VSIG1: variants seen among roughly 807,000 people sequenced by gnomAD.
The protein encoded by VSIG1 is V-set and immunoglobulin domain-containing protein 1.
VSIG1 carries 11 observed loss-of-function variants against 20.1 expected under a neutral mutation model. The ratio of observed to expected loss-of-function variants is 0.55; its 90% confidence interval spans 0.34 to 0.91. VSIG1 has a LOEUF of 0.91. Ranked by LOEUF, VSIG1 falls within the 40% of genes least tolerant of loss-of-function variation. The probability of loss-of-function intolerance (pLI) is 0.02; values close to 1 mark genes in which losing one functional copy is unlikely to be tolerated. For synonymous variants in VSIG1, 126 were observed against 116.7 expected (o/e 1.08, Z -0.52); for missense variants, 283 against 298.8 (o/e 0.95, Z 0.39).
chrX:108,052,442 TACACACAC>T (rs764453844), intron 1 of VSIG1, among the ~76,000 whole-genome samples: 2 of 107,004 alleles, frequency 1.9e-5, no homozygotes, highest in Admixed American at 1.0e-4. Flanking sequence ...CTACCAAAAA[TACACACAC>T]ACACACACAC....
intron 2 of VSIG1, among the ~76,000 whole-genome samples, chrX:108,061,706 G>A (rs902672680): frequency 9.1e-6 from 1 of 110,353 alleles, no homozygotes; most frequent in East Asian, 2.9e-4. Flanking sequence ...TCACATCCAT[G>A]TCTGGAGTTC....
At chrX:108,039,731 A>G in the VSIG1 span, among the ~76,000 whole-genome samples, 5 of 110,612 alleles carry the variant, frequency 4.5e-5, no homozygotes, top group East Asian at 8.5e-4. Context: ...AGATGGGGGA[A>G]GTGCTTAGAG....
At chrX:108,070,044 C>T (rs998241847) in intron 3 of VSIG1, among the ~76,000 whole-genome samples, 3 of 112,026 alleles carry the variant, frequency 2.7e-5, no homozygotes, top group Admixed American at 9.5e-5. Context: ...TGAGAGCTTT[C>T]CATTAGGTAT....
chrX:108,064,262 G>T (rs2031085192), intron 2 of VSIG1, among the ~76,000 whole-genome samples: 1 of 111,900 alleles, frequency 8.9e-6, no homozygotes, highest in Non-Finnish European at 1.9e-5. Flanking sequence ...TGAAGCCAAA[G>T]CCTTGGCTCT....
chrX:108,022,233 G>A, the VSIG1 span, among the ~76,000 whole-genome samples: 1 of 111,801 alleles, frequency 8.9e-6, no homozygotes, highest in Non-Finnish European at 1.9e-5. Flanking sequence ...TTCAACAAGT[G>A]TTGTAGTTTT....
chrX:108,020,292 G>A, the VSIG1 span, among the ~76,000 whole-genome samples: 2 of 111,228 alleles, frequency 1.8e-5, no homozygotes, highest in Non-Finnish European at 3.8e-5. Flanking sequence ...TTGGCTATTG[G>A]AAGCCGCTAA....
intron 1 of VSIG1, among the ~76,000 whole-genome samples, chrX:108,054,337 C>A (rs2030847156): frequency 9.0e-6 from 1 of 110,953 alleles, no homozygotes; most frequent in African/African-American, 3.3e-5. Flanking sequence ...AATTCAATAC[C>A]CCCTCTCAGA....
At chrX:108,055,661 A>G (rs978884340) in intron 1 of VSIG1, among the ~76,000 whole-genome samples, 12 of 110,398 alleles carry the variant, frequency 1.1e-4, no homozygotes, top group Non-Finnish European at 1.9e-4. Flanking sequence ...TCAACATTCA[A>G]AAAGCATTCA....
chrX:108,061,836 C>G (rs1414556927), intron 2 of VSIG1, among the ~76,000 whole-genome samples: 2 of 110,327 alleles, frequency 1.8e-5, no homozygotes, highest in African/African-American at 6.6e-5. Flanking sequence ...GCAATTGACT[C>G]TGAGGCCTGG....
chrX:108,032,948 C>T, the VSIG1 span, among the ~76,000 whole-genome samples: 1,088 of 111,493 alleles, frequency 9.8e-3, 9 homozygotes, highest in African/African-American at 0.033. Flanking sequence ...AAACAGCTTT[C>T]CCTACAGATA....
At chrX:108,023,226 A>T in the VSIG1 span, among the ~76,000 whole-genome samples, 53 of 111,881 alleles carry the variant, frequency 4.7e-4, no homozygotes, top group African/African-American at 1.5e-3. Flanking sequence ...TGAGATGATC[A>T]TGTGCCCCCT....
chrX:108,076,148 G>A lies in VSIG1; in HGVS notation c.760G>A (p.Val254Met). 1 of 1,211,427 alleles carries A rather than the reference G, an allele frequency of 8.3e-7. No individual in the cohort carries two copies. The highest frequency in any genetic ancestry group is 3.0e-5 in the East Asian group (1 of 33,848). ...LVGAAIIISV[V>M]CFARNKAKAK... ...AGGTGCCGCCATCATCATCTCTGTT[G>A]TGTGCTTCGCAAGGAATAAGGCAAA... The change falls in exon 6 of 7, where the codon GTG (valine) becomes ATG (methionine). Residue 254 changes from valine to methionine, a missense_variant. Physicochemically the swap from Val to Met is conservative, Grantham distance 21. Coordinates refer to ENST00000217957, the MANE Select transcript of VSIG1 (RefSeq NM_182607.5).
Position 108,077,387 on chromosome X carries a change from T to C in VSIG1, c.*6T>C. 8.3e-7 allele frequency: 1 copy of C among 1,206,001 alleles called. No individual in the cohort carries two copies. Among genetic ancestry groups the C allele is most frequent in the Non-Finnish European group, 1.1e-6 (1 of 892,137 alleles). ...AGGGAGTGGTTAAGGCATAGGCTGG[T>C]GGCCTAAGTACAGCATTAATCATTA... On this transcript the variant is annotated 3_prime_UTR_variant, in exon 7 of 7. Transcript: ENST00000217957.
the VSIG1 span, among the ~76,000 whole-genome samples, chrX:108,021,934 C>T: frequency 8.9e-6 from 1 of 112,021 alleles, no homozygotes; most frequent in Non-Finnish European, 1.9e-5. Flanking sequence ...ATGACAGTAT[C>T]ACACTGTTTT....
chrX:108,047,943 T>C (rs1482175956), intron 1 of VSIG1, among the ~76,000 whole-genome samples: 2 of 33,359 alleles, frequency 6.0e-5, no homozygotes, highest in Admixed American at 4.4e-4. Context: ...TACACATATA[T>C]ATATATATAT....
At position 108,058,078 on chromosome X, in the gene VSIG1, C is replaced by A. The variant is rs371829540; in HGVS notation, c.90C>A (p.Phe30Leu). The change falls in exon 2 of 7, where the codon TTC becomes TTA. Residue 30 changes from phenylalanine to leucine, a missense_variant. Transcript: ENST00000217957. ...TGCAAGTGACCATCCCAGACGGTTTCGTGAACGTGACTGTTGGATCTAATG... is the reference window on the plus strand; with the variant it reads ...TGCAAGTGACCATCCCAGACGGTTTAGTGAACGTGACTGTTGGATCTAATG... ...SVVQVTIPDG[F>L]VNVTVGSNVT... 2 of 1,208,561 alleles carry A rather than the reference C, an allele frequency of 1.7e-6. No individual in the cohort carries two copies. Among genetic ancestry groups the A allele is most frequent in the Non-Finnish European group, 2.2e-6 (2 of 894,495 alleles).
In VSIG1 at chrX:108,045,249, A is replaced by G. The variant is rs1044767220; in HGVS notation, c.49+70A>G. The G allele has an allele frequency of 4.1e-5, 38 of 924,812 alleles. No individual in the cohort carries two copies. The African/African-American group carries it at 7.0e-4, about 17-fold the overall frequency. 76.2% of individuals were successfully genotyped at this position (924,812 alleles called of 1,213,427 possible). A position where few individuals can be genotyped will look rare whatever the true frequency, so the allele number is the denominator to read the frequency against. On this transcript the variant is annotated intron_variant, in intron 1 of 6. Transcript: ENST00000217957. ...GTTTCCTTTTAAATAAAAATTCCAC[A>G]TTTTTACATAGAATTTTCATCTCCT...
chrX:108,075,167 A>G (rs1245409553), intron 5 of VSIG1, among the ~76,000 whole-genome samples: 2 of 111,172 alleles, frequency 1.8e-5, no homozygotes, highest in Non-Finnish European at 3.8e-5. Flanking sequence ...GAGTGGTGTA[A>G]AAGAGCTCAA....
chrX:108,034,125 A>G, the VSIG1 span, among the ~76,000 whole-genome samples: 2 of 110,679 alleles, frequency 1.8e-5, no homozygotes, highest in Admixed American at 9.6e-5. Context: ...TGAACTGGGC[A>G]GGAAGACTTG....
Sources: gnomAD v4.1 joint callset for allele counts (sites outside exome capture counted in the v4.1 genomes callset) on GRCh38, gnomAD v4.1.1 for gene constraint, MANE v1.5 for transcripts, NCBI Gene and HGNC (gene_info 2026-07-23, HGNC 2026-07-21) for gene names.